The following GNPTG variants were observed in gnomAD, a reference collection of about 807,000 sequenced individuals.
GNPTG encodes N-acetylglucosamine-1-phosphate transferase subunit gamma.
Under a neutral mutation model 43.8 loss-of-function variants are expected in GNPTG, and 46 were observed. The ratio of observed to expected loss-of-function variants is 1.05; its 90% confidence interval spans 0.83 to 1.34. The LOEUF (loss-of-function observed/expected upper bound fraction) is 1.34, where lower values mean the gene tolerates loss of function less well. Ranked by LOEUF, GNPTG falls within the 40% of genes most tolerant of loss-of-function variation. GNPTG has a pLI of 0.00. For missense variants in GNPTG, 549 were observed against 411.3 expected (o/e 1.33, Z -2.90); for synonymous variants, 250 against 172.8 (o/e 1.45, Z -3.50).
Position 1,362,844 on chromosome 16 carries a change from A to AG in GNPTG, c.763dup (p.Glu255GlyfsTer44). ...TGGTAGGCTCATAAAGAACTCTCAA[A>AG]GGAGATCAAAAGGCTGAAAGGTTTG... On this transcript the variant is annotated frameshift_variant, in exon 10 of 11. Transcript: ENST00000204679. LOFTEE classifies it high-confidence loss of function. 6.2e-7 allele frequency: 1 copy of AG among 1,613,622 alleles called. No individual in the cohort carries two copies. The highest frequency in any genetic ancestry group is 2.2e-5 in the East Asian group (1 of 44,836).
At chr16:1,352,208 C>A (rs757317192) in intron 2 of GNPTG, 31 bp from the exon 3 acceptor site, 2 of 1,551,648 alleles carry the variant, frequency 1.3e-6, no homozygotes, top group African/African-American at 1.4e-5. Flanking sequence ...GGCCCGGGCC[C>A]GTTCCCCGCT....
rs749370911 is a variant in GNPTG at position 1,362,900 on chromosome 16, CCCACAGGTGAGTCACCTGTGGGGAGAGGG to C, written c.821_823+26del. The C allele has an allele frequency of 1.9e-6, 3 of 1,614,008 alleles. No homozygotes were observed. Among genetic ancestry groups the C allele is most frequent in the African/African-American group, 2.7e-5 (2 of 74,934 alleles). On this transcript the variant is annotated splice_donor_variant and splice_donor_5th_base_variant and coding_sequence_variant and intron_variant, in exon 10 of 11. Transcript: ENST00000204679. LOFTEE classifies it high-confidence loss of function. ...CCAGCACGGCATCCCCTACACGAGGCCCACAGGTGAGTCACCTGTGGGGAGAGGGCCAGGCTCACCATCACACTCGCCAC... is the reference window on the plus strand; with the variant it reads ...CCAGCACGGCATCCCCTACACGAGGCCCAGGCTCACCATCACACTCGCCAC...
chr16:1,354,595 A>AC (rs1188378338), intron 3 of GNPTG, among the ~76,000 whole-genome samples: 2 of 149,942 alleles, frequency 1.3e-5, no homozygotes, highest in African/African-American at 4.9e-5. Flanking sequence ...CAAAAAAAAA[A>AC]AAAAAAAAAA....
rs1440234416 is a variant in GNPTG at position 1,362,850 on chromosome 16, T to A, written c.767T>A (p.Ile256Asn). ...RKAHKELSKE[I>N]KRLKGLLTQH... ...GCTCATAAAGAACTCTCAAAGGAGA[T>A]CAAAAGGCTGAAAGGTTTGCTCACC... The change falls in exon 10 of 11, where the codon ATC becomes AAC. Residue 256 changes from isoleucine (I) to asparagine (N), a missense_variant. Physicochemically the swap from Ile to Asn is moderately radical, Grantham distance 149. Transcript: ENST00000204679. 14 of 1,613,416 alleles carry A rather than the reference T, an allele frequency of 8.7e-6. No homozygotes were observed. Among genetic ancestry groups the A allele is most frequent in the Non-Finnish European group, 1.1e-5 (13 of 1,179,886 alleles).
chr16:1,354,038 T>C (rs1448380138), intron 3 of GNPTG, among the ~76,000 whole-genome samples: 3 of 152,158 alleles, frequency 2.0e-5, no homozygotes, highest in Non-Finnish European at 2.9e-5. Flanking sequence ...CACATCTTTT[T>C]AAGTTTTTTG....
Position 1,363,384 on chromosome 16 carries a change from C to T in GNPTG, c.*293C>T, listed in dbSNP as rs2034987121. 1 of 417,260 alleles carries T rather than the reference C, an allele frequency of 2.4e-6. No individual in the cohort carries two copies. Among genetic ancestry groups the T allele is most frequent in the South Asian group, 2.2e-5 (1 of 46,402 alleles). 25.8% of individuals were successfully genotyped at this position (417,260 alleles called of 1,614,324 possible). A position where few individuals can be genotyped will look rare whatever the true frequency, so the allele number is the denominator to read the frequency against. On this transcript the variant is annotated 3_prime_UTR_variant, in exon 11 of 11. Coordinates refer to ENST00000204679, the MANE Select transcript of GNPTG (RefSeq NM_032520.5). ...GGTTAAGAAAATTCCATTCAAATAA[C>T]ATTCTCATGTAAATACTCAAACATA... is the stretch of plus-strand genomic sequence containing the variant.
Position 1,362,823 on chromosome 16 carries a change from A to G in GNPTG, c.742-2A>G. ...CCCTTGAACTCTTTTTGTGGTTGGT[A>G]GGCTCATAAAGAACTCTCAAAGGAG... On this transcript the variant is annotated splice_acceptor_variant, in intron 9 of 10. Coordinates refer to ENST00000204679, the MANE Select transcript of GNPTG (RefSeq NM_032520.5). LOFTEE classifies it high-confidence loss of function. 3 of 1,613,936 alleles carry G rather than the reference A, an allele frequency of 1.9e-6. No homozygotes were observed. The highest frequency in any genetic ancestry group is 2.5e-6 in the Non-Finnish European group (3 of 1,179,994).
intron 7 of GNPTG, 62 bp from the exon 8 acceptor site, chr16:1,362,390 G>GTGC: frequency 6.2e-7 from 1 of 1,609,910 alleles, no homozygotes; most frequent in Non-Finnish European, 8.5e-7. Context: ...AGGCCCTGTA[G>GTGC]TGCTGGGGGC....
chr16:1,355,689 G>A (rs1371367116), intron 3 of GNPTG, among the ~76,000 whole-genome samples: 1 of 152,006 alleles, frequency 6.6e-6, no homozygotes, highest in Non-Finnish European at 1.5e-5. Flanking sequence ...CCAGGAGGGA[G>A]CTCTGCCTCG....
rs2034921592 is a variant in GNPTG at position 1,362,554 on chromosome 16, G to C, written c.609+20G>C. ...CCCCAGGTAAGCGTGCGCTCGGGGTGGCCCCTGGTGGGCCTGGCTGGGAGC... is the reference window on the plus strand; with the variant it reads ...CCCCAGGTAAGCGTGCGCTCGGGGTCGCCCCTGGTGGGCCTGGCTGGGAGC... On this transcript the variant is annotated intron_variant, in intron 8 of 10. Transcript: ENST00000204679. 2 of 1,614,050 alleles carry C rather than the reference G, an allele frequency of 1.2e-6. No individual in the cohort carries two copies.
rs771470862 is a variant in GNPTG at position 1,362,645 on chromosome 16, A to G, written c.644A>G (p.Asp215Gly). 1 of 1,614,152 alleles carries G rather than the reference A, an allele frequency of 6.2e-7. No individual in the cohort carries two copies. The highest frequency in any genetic ancestry group is 8.5e-7 in the Non-Finnish European group (1 of 1,180,024). ...AAGTTGCTGAGGACACTTTTTGAGG[A>G]TGCTGGCTACTTAAAGACCCCAGAA... is the stretch of plus-strand genomic sequence containing the variant. ...HEKLLRTLFE[D>G]AGYLKTPEEN... Residue 215 changes from aspartate to glycine, a missense_variant, in exon 9 of 11, where the codon GAT becomes GGT. Physicochemically the swap from Asp to Gly is moderately conservative, Grantham distance 94 (BLOSUM62 -1). Transcript: ENST00000204679.
rs1185161664 is a variant in GNPTG at position 1,351,942 on chromosome 16, C to T, written c.-24C>T. The T allele has an allele frequency of 8.6e-6, 11 of 1,278,350 alleles. No individual in the cohort carries two copies. The highest frequency in any genetic ancestry group is 6.2e-5 in the African/African-American group (4 of 64,056). The allele number at this position is 1,278,350 out of a possible 1,614,324, so 79.2% of individuals were successfully genotyped here. On this transcript the variant is annotated 5_prime_UTR_variant, in exon 1 of 11. Coordinates refer to ENST00000204679, the MANE Select transcript of GNPTG (RefSeq NM_032520.5). The stretch of plus-strand genomic sequence containing the variant: ...GTCACGTGACCGTCACTTCACGTGA[C>T]CGCGCGGCGGCCGCTGCGGCGCGAT...
At chr16:1,359,133 G>A (rs952249224) in intron 3 of GNPTG, among the ~76,000 whole-genome samples, 4 of 152,120 alleles carry the variant, frequency 2.6e-5, no homozygotes, top group Admixed American at 6.5e-5. Flanking sequence ...TGGGATTCCC[G>A]GCTTCTCTGC....
At chr16:1,355,074 C>T (rs888340398) in intron 3 of GNPTG, among the ~76,000 whole-genome samples, 10 of 151,036 alleles carry the variant, frequency 6.6e-5, no homozygotes, top group Non-Finnish European at 1.3e-4. Flanking sequence ...TCTGCGGGGT[C>T]GGGTGTGGAT....
chr16:1,361,883 A>C lies in GNPTG; in HGVS notation c.245A>C (p.Glu82Ala). 6.2e-7 allele frequency: 1 copy of C among 1,613,856 alleles called. No homozygotes were observed. Among genetic ancestry groups the C allele is most frequent in the Non-Finnish European group, 8.5e-7 (1 of 1,180,034 alleles). ...ATCTGTGTCCCCAGGTACAAGTATG[A>C]GTTCTGCCCGTTCCACAACGTGACC... ...FSLVESTYKY[E>A]FCPFHNVTQH... is the part of the protein sequence containing the mutation. Residue 82 changes from glutamate (E) to alanine (A), a missense_variant, in exon 5 of 11, where the codon GAG (glutamate) becomes GCG (alanine). Coordinates refer to ENST00000204679, the MANE Select transcript of GNPTG (RefSeq NM_032520.5).
chr16:1,361,269 T>C (rs1200658373), intron 3 of GNPTG: 2 of 189,206 alleles, frequency 1.1e-5, no homozygotes, highest in Middle Eastern at 5.1e-3. Flanking sequence ...GGGCTATTTT[T>C]AGAATTCTCG....
chr16:1,354,281 G>A (rs1769487739), intron 3 of GNPTG, among the ~76,000 whole-genome samples: 1 of 152,080 alleles, frequency 6.6e-6, no homozygotes. Flanking sequence ...GGAGGTGAGA[G>A]TCCTGGAAAG....
chr16:1,355,615 G>A (rs1052625469), intron 3 of GNPTG, among the ~76,000 whole-genome samples: 1 of 152,136 alleles, frequency 6.6e-6, no homozygotes, highest in Non-Finnish European at 1.5e-5. Context: ...AGAGGGAATG[G>A]GGCACGGTCA....
chr16:1,354,567 C>A (rs2034738255), intron 3 of GNPTG, among the ~76,000 whole-genome samples: 1 of 91,816 alleles, frequency 1.1e-5, no homozygotes, highest in Non-Finnish European at 2.0e-5. Context: ...GCCTGGGTGA[C>A]AGAGCAAGAC....
Sources: gnomAD v4.1 joint callset for allele counts (sites outside exome capture counted in the v4.1 genomes callset) on GRCh38, gnomAD v4.1.1 for gene constraint, MANE v1.5 for transcripts, NCBI Gene and HGNC (gene_info 2026-07-23, HGNC 2026-07-21) for gene names.